Variants in TRIM49 observed in about 807,000 individuals in gnomAD.
The protein encoded by TRIM49 is tripartite motif-containing protein 49.
In TRIM49, 5 loss-of-function variants were observed where a neutral mutation model predicts 27.4. The observed-to-expected ratio is 0.18, with a 90% CI of 0.10 to 0.38. The LOEUF is 0.38. Ranked by LOEUF, TRIM49 falls within the 10% of genes least tolerant of loss-of-function variation. The probability of loss-of-function intolerance (pLI) is 1.00; values close to 1 mark genes in which losing one functional copy is unlikely to be tolerated. For synonymous variants in TRIM49, 69 were observed against 166.0 expected (o/e 0.42, Z 4.49); for missense variants, 188 against 487.5 (o/e 0.39, Z 5.79).
At chr11:89,794,485 C>T (rs1949675290), downstream of TRIM49, among the ~76,000 whole-genome samples, 1 of 151,602 alleles carries the variant, frequency 6.6e-6, no homozygotes, top group South Asian at 2.1e-4. Context: ...TGACTTCAAA[C>T]TATACTGCAA....
At chr11:89,792,942 C>G (rs1387669047), downstream of TRIM49, among the ~76,000 whole-genome samples, 1 of 152,118 alleles carries the variant, frequency 6.6e-6, no homozygotes, top group African/African-American at 2.4e-5. Context: ...TTCAAAAGAT[C>G]AGTGAATCCA....
chr11:89,768,835 T>C, the TRIM49 span: 4 of 499,424 alleles, frequency 8.0e-6, no homozygotes, highest in South Asian at 5.8e-5. Context: ...GTCTCCCAAA[T>C]CCTGGAGAGA....
chr11:89,776,345 C>CCTCCTGGGCTCAAGTGATTATCCTGCCT, the TRIM49 span, among the ~76,000 whole-genome samples: 1 of 143,026 alleles, frequency 7.0e-6, no homozygotes, highest in Admixed American at 6.9e-5. Flanking sequence ...GCAACCTCCA[C>CCTCCTGGGCTCAAGTGATTATCCTGCCT]CTCCTGGGCT....
At chr11:89,790,934 G>C in the TRIM49 span, among the ~76,000 whole-genome samples, 3 of 152,208 alleles carry the variant, frequency 2.0e-5, no homozygotes, top group Admixed American at 1.3e-4. Context: ...GAAGTCTTCA[G>C]ACGATCAAAC....
downstream of TRIM49, among the ~76,000 whole-genome samples, chr11:89,793,088 A>C (rs537191882): frequency 2.6e-5 from 4 of 152,282 alleles, 1 homozygote; most frequent in South Asian, 8.3e-4. Flanking sequence ...ACAGAAATAC[A>C]AACTACCATC....
the TRIM49 span, among the ~76,000 whole-genome samples, chr11:89,791,873 G>A: frequency 3.3e-5 from 5 of 150,906 alleles, no homozygotes; most frequent in Non-Finnish European, 5.9e-5. Context: ...ATAATGACAG[G>A]ATCAAATTCA....
At chr11:89,794,461 G>A (rs1423306298), downstream of TRIM49, among the ~76,000 whole-genome samples, 3 of 151,264 alleles carry the variant, frequency 2.0e-5, no homozygotes, top group African/African-American at 4.9e-5. Flanking sequence ...CAAAGCTGGA[G>A]GCATCACACT....
At chr11:89,807,378 C>T (rs1949795466) in intron 1 of TRIM49, 94 bp from the exon 2 acceptor site, 2 of 151,614 alleles carry the variant, frequency 1.3e-5, no homozygotes. Context: ...TTAGAACACA[C>T]CTTTGCAGCT....
the TRIM49 span, among the ~76,000 whole-genome samples, chr11:89,790,334 G>T: frequency 2.1e-5 from 3 of 143,736 alleles, no homozygotes; most frequent in Admixed American, 2.1e-4. Context: ...GTGGGGGCAG[G>T]GCATAGCTGA....
At chr11:89,773,167 G>A in the TRIM49 span, among the ~76,000 whole-genome samples, 1 of 135,750 alleles carries the variant, frequency 7.4e-6, no homozygotes, top group South Asian at 2.3e-4. Context: ...CTCCAGCCTG[G>A]GTGACAGAGG....
Position 89,805,723 on chromosome 11 carries a change from G to GT in TRIM49, c.-4-1251dup, listed in dbSNP as rs56724617. On this transcript the variant is annotated intron_variant, in intron 2 of 7. Coordinates refer to ENST00000329758, the MANE Select transcript of TRIM49 (RefSeq NM_020358.2). ...TGTCAGGTGTTTTTAGTTTTTTTTT[G>GT]TTTTTTTTTTTTGAGACAGAGTATC... 1.6e-3 allele frequency among the ~76,000 whole-genome samples: 230 copies of GT among 139,606 alleles called. 3 individuals are homozygous for GT. Among genetic ancestry groups the GT allele is most frequent in the Non-Finnish European group, 1.6e-3 (104 of 64,214 alleles). 91.6% of individuals were successfully genotyped at this position (139,606 alleles called of 152,430 possible). A position where few individuals can be genotyped will look rare whatever the true frequency, so the allele number is the denominator to read the frequency against.
the TRIM49 span, chr11:89,766,764 G>A: frequency 2.9e-6 from 4 of 1,390,806 alleles, 1 homozygote; most frequent in African/African-American, 8.0e-5. Context: ...AGGAAACATT[G>A]GGGAGGTGGT....
At chr11:89,804,550 A>G in intron 2 of TRIM49, 77 bp from the exon 3 acceptor site, 1 of 1,480,408 alleles carries the variant, frequency 6.8e-7, no homozygotes, top group East Asian at 2.5e-5. Context: ...GATATGTGAT[A>G]GTTATATTTT....
intron 2 of TRIM49, among the ~76,000 whole-genome samples, chr11:89,805,066 T>A (rs2388338): frequency 0.35 from 50,566 of 145,450 alleles, 5,291 homozygotes; most frequent in African/African-American, 0.52. Flanking sequence ...AAACAAAATT[T>A]AAAAAAAAGC....
Position 89,805,318 on chromosome 11 carries a change from C to A in TRIM49, c.-4-845G>T, listed in dbSNP as rs1452954744. Reference sequence around the variant, plus strand: ...TAGGTATCAGTCTGACTGGATTAACCAACACCTAGGGAACTAGTGAAGCAT... The same window carrying A: ...TAGGTATCAGTCTGACTGGATTAACAAACACCTAGGGAACTAGTGAAGCAT... On this transcript the variant is annotated intron_variant, in intron 2 of 7. Transcript: ENST00000329758. 4.7e-5 allele frequency among the ~76,000 whole-genome samples: 7 copies of A among 150,306 alleles called. No individual in the cohort carries two copies. In the South Asian group the frequency reaches 1.3e-3, roughly 28 times the overall value.
chr11:89,774,066 T>C, the TRIM49 span, among the ~76,000 whole-genome samples: 1 of 147,554 alleles, frequency 6.8e-6, no homozygotes, highest in Admixed American at 6.6e-5. Context: ...AGTGGTGCTA[T>C]CTCGGCTCAG....
downstream of TRIM49, among the ~76,000 whole-genome samples, chr11:89,793,844 T>G (rs546811719): frequency 4.6e-5 from 7 of 152,082 alleles, no homozygotes; most frequent in South Asian, 1.0e-3. Flanking sequence ...GGGATACTCT[T>G]TCTCACCTCT....
At chr11:89,802,606 CATAT>C (rs1222607248) in intron 4 of TRIM49, among the ~76,000 whole-genome samples, 3 of 148,646 alleles carry the variant, frequency 2.0e-5, no homozygotes, top group Non-Finnish European at 3.0e-5. Context: ...TACATACATA[CATAT>C]ATACACACAA....
downstream of TRIM49, among the ~76,000 whole-genome samples, chr11:89,793,014 G>T (rs528759691): frequency 3.9e-5 from 6 of 152,082 alleles, no homozygotes; most frequent in East Asian, 5.8e-4. Flanking sequence ...TAATAAAGAA[G>T]AAAAGAGAGA....
Sources: allele counts gnomAD v4.1 joint callset (sites outside exome capture counted in the v4.1 genomes callset), GRCh38; gene constraint gnomAD v4.1.1; transcripts MANE v1.5; gene names NCBI Gene and HGNC (gene_info 2026-07-23, HGNC 2026-07-21).